ZNF638: variants seen among roughly 807,000 people sequenced by gnomAD.
ZNF638 encodes the protein zinc finger protein 638, also known as CTCL tumor antigen se33-1.
Under a neutral mutation model 195.6 loss-of-function variants are expected in ZNF638, and 46 were observed. The ratio of observed to expected loss-of-function variants is 0.24; its 90% CI spans 0.19 to 0.30. ZNF638 has a LOEUF of 0.30. Among genes scored for constraint, ZNF638 ranks in the 10% least tolerant of loss-of-function variants. The probability of loss-of-function intolerance (pLI) is 1.00; values close to 1 mark genes in which losing one functional copy is unlikely to be tolerated. For synonymous variants in ZNF638, 845 were observed against 772.0 expected, an observed-to-expected ratio of 1.09 and a Z score of -1.57; for missense variants, 2,440 against 2,325.3, an observed-to-expected ratio of 1.05 and a Z score of -1.01.
chr2:71,393,245 C>T, intron 10 of ZNF638: 1 of 586,662 alleles, frequency 1.7e-6, no homozygotes, highest in South Asian at 2.2e-5. Context: ...TGATAAATTT[C>T]AATCAACTAT....
chr2:71,347,871 C>A (rs2078877400), intron 1 of ZNF638, among the ~76,000 whole-genome samples: 1 of 152,200 alleles, frequency 6.6e-6, no homozygotes, highest in Non-Finnish European at 1.5e-5. Flanking sequence ...GAATACAAAT[C>A]TCAGCACAGT....
At chr2:71,351,053 ACTTACGTAT>A (rs2078932150) in intron 2 of ZNF638, among the ~76,000 whole-genome samples, 1 of 152,216 alleles carries the variant, frequency 6.6e-6, no homozygotes, top group Admixed American at 6.5e-5. Flanking sequence ...AATTTTATTT[ACTTACGTAT>A]GGTTGGCAAT....
chr2:71,426,512 TAGA>T lies in ZNF638; in HGVS notation c.4649_4651del (p.Glu1550del), dbSNP rs781372778. On this transcript the variant is annotated inframe_deletion, in exon 24 of 28. Transcript: ENST00000264447. ...GAATTTGTTACTGTGGATGAGGTTATAGAAGAAGTGAATCCTTCTCAGGCCAAG... is the reference window on the plus strand; with the variant it reads ...GAATTTGTTACTGTGGATGAGGTTATAGAAGTGAATCCTTCTCAGGCCAAG... The T allele has an allele frequency of 1.2e-5, 19 of 1,609,806 alleles. No individual in the cohort carries two copies. Among genetic ancestry groups the T allele is most frequent in the Admixed American group, 3.4e-5 (2 of 58,874 alleles).
intron 16 of ZNF638, among the ~76,000 whole-genome samples, chr2:71,402,305 G>A (rs1167325620): frequency 1.3e-5 from 2 of 151,958 alleles, no homozygotes; most frequent in African/African-American, 4.8e-5. Flanking sequence ...TTTCTAATAT[G>A]TCAAAGTTCT....
intron 8 of ZNF638, among the ~76,000 whole-genome samples, chr2:71,373,310 CTT>C (rs1244504374): frequency 6.6e-6 from 1 of 150,940 alleles, no homozygotes; most frequent in African/African-American, 2.4e-5. Flanking sequence ...TTATTGTTGT[CTT>C]TTTAAAAATA....
At chr2:71,418,312 G>C (rs993469453) in intron 20 of ZNF638, 12 of 238,712 alleles carry the variant, frequency 5.0e-5, no homozygotes, top group East Asian at 1.6e-4. Flanking sequence ...TTAGGGAAAA[G>C]ATAGAATTTC....
At chr2:71,418,945 C>T (rs559770991) in intron 21 of ZNF638, among the ~76,000 whole-genome samples, 11 of 152,250 alleles carry the variant, frequency 7.2e-5, no homozygotes, top group South Asian at 6.2e-4. Flanking sequence ...CTCAACATCA[C>T]GAACAGTAAT....
At chr2:71,339,150 G>GT (rs35822775) in intron 1 of ZNF638, among the ~76,000 whole-genome samples, 108 of 130,134 alleles carry the variant, frequency 8.3e-4, no homozygotes, top group South Asian at 2.6e-3. Flanking sequence ...GTCGGTTTAG[G>GT]TTTTTTTTTT....
chr2:71,364,980 G>C (rs1364339105), intron 5 of ZNF638, among the ~76,000 whole-genome samples: 2 of 152,044 alleles, frequency 1.3e-5, no homozygotes, highest in African/African-American at 2.4e-5. Context: ...TGTGGAAGAA[G>C]GTACTATAGT....
rs766119671 is a variant in ZNF638, at chr2:71,348,825, G to C, written c.-130G>C. ...ACCTGGGCATTGCAAACCCACTTCT[G>C]TTGGGCCCATCTCCTTTGCACTTTG... is the stretch of plus-strand genomic sequence containing the variant. On this transcript the variant is annotated 5_prime_UTR_variant, in exon 2 of 28. Transcript: ENST00000264447. 6.3e-7 allele frequency: 1 copy of C among 1,599,472 alleles called. No homozygotes were observed. Among genetic ancestry groups the C allele is most frequent in the Non-Finnish European group, 8.5e-7 (1 of 1,175,868 alleles).
intron 19 of ZNF638, 25 bp downstream of exon 19, chr2:71,406,287 C>G: frequency 6.3e-7 from 1 of 1,597,308 alleles, no homozygotes; most frequent in Non-Finnish European, 8.6e-7. Flanking sequence ...CATAATTTAG[C>G]TATTCATTCT....
chr2:71,365,568 A>G lies in ZNF638; in HGVS notation c.1857A>G (p.Ser619=). 6.2e-7 allele frequency: 1 copy of G among 1,614,192 alleles called. No homozygotes were observed. Among genetic ancestry groups the G allele is most frequent in the Admixed American group, 1.7e-5 (1 of 60,026 alleles). Residue 619 remains serine (S), a synonymous_variant, in exon 6 of 28, where the codon TCA becomes TCG. Coordinates refer to ENST00000264447, the MANE Select transcript of ZNF638 (RefSeq NM_014497.5). Reference sequence around the variant, plus strand: ...AAACTAGCAGTGGAACAAAACCATCAGTTAAACCTACAAGCGCTACAAAGA... The same window carrying G: ...AAACTAGCAGTGGAACAAAACCATCGGTTAAACCTACAAGCGCTACAAAGA... The part of the protein sequence containing the change: ...KPKTSSGTKP[S]VKPTSATKSD...
chr2:71,350,199 T>C lies in ZNF638; in HGVS notation c.1245T>C (p.Asp415=), dbSNP rs1189041737. 11 of 1,610,048 alleles carry C rather than the reference T, an allele frequency of 6.8e-6. No homozygotes were observed. The African/African-American group carries it at 1.2e-4, about 18-fold the overall frequency. ...TTCCAACTCCTTCTATGATGAATGATTATTATGCAGCATCTCCAAGAATAT... is the reference window on the plus strand; with the variant it reads ...TTCCAACTCCTTCTATGATGAATGACTATTATGCAGCATCTCCAAGAATAT... ...KRLPTPSMMN[D]YYAASPRIFP... The change falls in exon 2 of 28, where the codon GAT becomes GAC. Residue 415 remains aspartate, a synonymous_variant. Coordinates refer to ENST00000264447, the MANE Select transcript of ZNF638 (RefSeq NM_014497.5).
At chr2:71,396,257 G>A (rs890800573) in intron 11 of ZNF638, 66 bp downstream of exon 11, 32 of 1,317,458 alleles carry the variant, frequency 2.4e-5, no homozygotes, top group Non-Finnish European at 3.3e-5. Context: ...AAATCGTATG[G>A]CAGTAGTAGT....
chr2:71,433,357 C>T (rs915268814), intron 27 of ZNF638, 74 bp downstream of exon 27: 10 of 1,067,544 alleles, frequency 9.4e-6, no homozygotes, highest in Admixed American at 7.3e-5. Flanking sequence ...TCTCCCCAAA[C>T]GTACATTTCC....
At chr2:71,408,780 G>A in intron 20 of ZNF638, 2 of 434,358 alleles carry the variant, frequency 4.6e-6, no homozygotes, top group Non-Finnish European at 9.3e-6. Flanking sequence ...GATATCAGAG[G>A]TAAGTAATAG....
chr2:71,381,415 A>T (rs917598359), intron 10 of ZNF638, among the ~76,000 whole-genome samples: 1 of 152,102 alleles, frequency 6.6e-6, no homozygotes, highest in African/African-American at 2.4e-5. Context: ...ATTGAAGGTT[A>T]GCAGAGATAC....
At chr2:71,343,310 TTGAG>T (rs1290461057) in intron 1 of ZNF638, among the ~76,000 whole-genome samples, 2 of 152,156 alleles carry the variant, frequency 1.3e-5, no homozygotes, top group African/African-American at 4.8e-5. Context: ...ATTTAATACA[TTGAG>T]TGAATAATTC....
intron 10 of ZNF638, among the ~76,000 whole-genome samples, chr2:71,390,898 C>A (rs1366441596): frequency 6.6e-6 from 1 of 152,180 alleles, no homozygotes; most frequent in African/African-American, 2.4e-5. Context: ...ACATGACTGT[C>A]CCTGTTAACC....
Sources: gnomAD v4.1 joint callset for allele counts (sites outside exome capture counted in the v4.1 genomes callset) on GRCh38, gnomAD v4.1.1 for gene constraint, MANE v1.5 for transcripts, NCBI Gene and HGNC (gene_info 2026-07-23, HGNC 2026-07-21) for gene names.